PRSS55: variants seen among roughly 807,000 people sequenced by gnomAD.
PRSS55 encodes probable serine protease UNQ9391/PRO34284.
A neutral mutation model predicts 23.6 loss-of-function variants in PRSS55; 41 were observed. The observed-to-expected ratio is 1.74, with a 90% CI of 1.35 to 2.26. The LOEUF (loss-of-function observed/expected upper bound fraction) is 2.26. Ranked by LOEUF, PRSS55 falls within the 30% of genes most tolerant of loss-of-function variation. The pLI is 0.00. For synonymous variants in PRSS55, 262 were observed against 175.5 expected, an observed-to-expected ratio of 1.49 and a Z score of -3.90; for missense variants, 669 against 439.1, an observed-to-expected ratio of 1.52 and a Z score of -4.68.
intron 4 of PRSS55, among the ~76,000 whole-genome samples, chr8:10,535,830 T>C (rs1022558991): frequency 2.6e-5 from 4 of 152,178 alleles, no homozygotes; most frequent in African/African-American, 9.7e-5. Context: ...AAAGGTCTAA[T>C]ATTCACAATT....
exon 5 of PRSS55, chr8:10,554,129 C>A (rs1019496310): frequency 5.8e-6 from 4 of 689,974 alleles, no homozygotes; most frequent in South Asian, 5.5e-5. Flanking sequence ...TGTTTTCTGT[C>A]CAAATGACTG....
rs1397817366 is a variant in PRSS55 at position 10,525,612 on chromosome 8, C to T, written c.27C>T (p.Leu9=). 4.3e-6 allele frequency: 7 copies of T among 1,614,034 alleles called. No individual in the cohort carries two copies. Among genetic ancestry groups the T allele is most frequent in the Middle Eastern group, 1.6e-4 (1 of 6,064 alleles). The part of the protein sequence containing the change: MLLFSVLL[L]LSLVTGTQLG... ...TGCTCCTGTTCTCAGTGTTGCTGCT[C>T]CTGTCCCTGGTCACGGGAACTCAGC... is the stretch of plus-strand genomic sequence containing the variant. The change falls in exon 1 of 5, where the codon CTC becomes CTT. Residue 9 remains leucine, a synonymous_variant. Transcript: ENST00000328655.
chr8:10,533,442 A>C (rs1357883933), intron 4 of PRSS55, among the ~76,000 whole-genome samples: 4 of 152,212 alleles, frequency 2.6e-5, no homozygotes, highest in African/African-American at 9.6e-5. Context: ...TAAATGAGAT[A>C]TGGTTCCTTA....
chr8:10,537,168 T>C (rs1390690195), intron 4 of PRSS55, among the ~76,000 whole-genome samples: 1 of 152,220 alleles, frequency 6.6e-6, no homozygotes, highest in African/African-American at 2.4e-5. Flanking sequence ...CGAAGAGACA[T>C]CTGCACTTGC....
chr8:10,539,262 A>G (rs1171115722), downstream of PRSS55, among the ~76,000 whole-genome samples: 1 of 152,140 alleles, frequency 6.6e-6, no homozygotes, highest in Non-Finnish European at 1.5e-5. Context: ...AGTGGATTGG[A>G]CAAGGCCCAC....
chr8:10,553,337 G>C (rs1286462767), intron 4 of PRSS55, among the ~76,000 whole-genome samples: 1 of 152,140 alleles, frequency 6.6e-6, no homozygotes, highest in Non-Finnish European at 1.5e-5. Context: ...AAATTACCTA[G>C]TTTTGGGTAT....
chr8:10,547,378 C>G (rs1469674579), intron 4 of PRSS55: 1 of 152,332 alleles, frequency 6.6e-6, no homozygotes, highest in Non-Finnish European at 1.5e-5. Context: ...GGACTGGAAG[C>G]CTGCACTGTT....
At chr8:10,543,078 C>G (rs940250129), downstream of PRSS55, among the ~76,000 whole-genome samples, 41 of 152,142 alleles carry the variant, frequency 2.7e-4, no homozygotes, top group Admixed American at 1.4e-3. Flanking sequence ...ACCTCTGACT[C>G]CAGAGGTTGC....
At chr8:10,532,305 A>G (rs1812297198) in intron 3 of PRSS55, among the ~76,000 whole-genome samples, 1 of 152,166 alleles carries the variant, frequency 6.6e-6, no homozygotes, top group Non-Finnish European at 1.5e-5. Flanking sequence ...GGGCATGCAC[A>G]AGTTTAAAAA....
intron 4 of PRSS55, chr8:10,553,909 T>G (rs1341657246): frequency 1.4e-6 from 2 of 1,401,204 alleles, no homozygotes; most frequent in Non-Finnish European, 1.9e-6. Flanking sequence ...ACATAAAATT[T>G]TTTTAATTTG....
At chr8:10,552,951 A>G (rs1812983125) in intron 4 of PRSS55, among the ~76,000 whole-genome samples, 3 of 152,254 alleles carry the variant, frequency 2.0e-5, no homozygotes. Context: ...CAGTATGTTG[A>G]AAATATATTT....
At chr8:10,544,432 C>G (rs1812761665) in intron 4 of PRSS55, among the ~76,000 whole-genome samples, 1 of 152,252 alleles carries the variant, frequency 6.6e-6, no homozygotes, top group East Asian at 1.9e-4. Context: ...TTCCTGTAGA[C>G]AACACATAGA....
chr8:10,539,275 A>C (rs932669594), downstream of PRSS55, among the ~76,000 whole-genome samples: 2 of 152,194 alleles, frequency 1.3e-5, no homozygotes, highest in Non-Finnish European at 2.9e-5. Flanking sequence ...AGGCCCACCC[A>C]CATTATGATG....
At chr8:10,532,767 G>A (rs1812315072) in intron 3 of PRSS55, 139 bp from the exon 4 acceptor site, 1 of 1,008,324 alleles carries the variant, frequency 9.9e-7, no homozygotes, top group South Asian at 1.6e-5. Flanking sequence ...GTAACCTGAA[G>A]GAAGTGAGGG....
intron 4 of PRSS55, among the ~76,000 whole-genome samples, chr8:10,549,565 A>G (rs759121032): frequency 2.6e-5 from 4 of 152,182 alleles, no homozygotes; most frequent in Non-Finnish European, 4.4e-5. Flanking sequence ...ATGAGACCCC[A>G]CAGATCATCA....
At chr8:10,525,865 A>G in intron 1 of PRSS55, 126 bp downstream of exon 1, 1 of 1,022,814 alleles carries the variant, frequency 9.8e-7, no homozygotes, top group South Asian at 1.8e-5. Context: ...TCTCCAAACC[A>G]CTTGTCCTTT....
At chr8:10,537,122 C>T (rs1812483737) in intron 4 of PRSS55, among the ~76,000 whole-genome samples, 1 of 152,218 alleles carries the variant, frequency 6.6e-6, no homozygotes, top group Non-Finnish European at 1.5e-5. Flanking sequence ...AACCCCACTT[C>T]TGGGTATACG....
chr8:10,544,693 G>A (rs1024361446), intron 4 of PRSS55, among the ~76,000 whole-genome samples: 1 of 152,004 alleles, frequency 6.6e-6, no homozygotes, highest in Admixed American at 6.6e-5. Flanking sequence ...CTTAGTAGTT[G>A]CACTAGAACT....
chr8:10,550,108 G>A lies in PRSS55; in HGVS notation c.742-3835G>A, dbSNP rs141161771. On this transcript the variant is annotated intron_variant, in intron 4 of 4. Transcript: ENST00000522210. Reference sequence around the variant, plus strand: ...TAATTTTTGTATTTTTAGTGGAGACGGGGTTTCTCCATGTTGGCCAGGCTG... The same window carrying A: ...TAATTTTTGTATTTTTAGTGGAGACAGGGTTTCTCCATGTTGGCCAGGCTG... 6.9e-3 allele frequency among the ~76,000 whole-genome samples: 1,047 copies of A among 152,150 alleles called. 15 individuals are homozygous for A. Among genetic ancestry groups the A allele is most frequent in the African/African-American group, 0.023 (964 of 41,490 alleles).
Sources: gnomAD v4.1 joint callset for allele counts (sites outside exome capture counted in the v4.1 genomes callset) on GRCh38, gnomAD v4.1.1 for gene constraint, MANE v1.5 for transcripts, NCBI Gene and HGNC (gene_info 2026-07-23, HGNC 2026-07-21) for gene names.